The following N4BP3 variants were observed in gnomAD, a reference collection of about 807,000 sequenced individuals.
N4BP3 encodes the protein NEDD4 binding protein 3.
A neutral mutation model predicts 43.8 loss-of-function variants in N4BP3; 33 were observed. The observed-to-expected ratio is 0.75, with a 90% CI of 0.57 to 1.01. N4BP3 has a LOEUF of 1.01. Ranked by LOEUF, N4BP3 falls within the 50% of genes least tolerant of loss-of-function variation. The probability of loss-of-function intolerance (pLI) is 0.00; values close to 1 mark genes in which losing one functional copy is unlikely to be tolerated. For synonymous variants in N4BP3, 326 were observed against 321.9 expected, an observed-to-expected ratio of 1.01 and a Z score of -0.14; for missense variants, 756 against 744.2, an observed-to-expected ratio of 1.02 and a Z score of -0.18.
In N4BP3 at chr5:178,120,525, T is replaced by C; in HGVS notation, c.678T>C (p.Ser226=). The C allele has an allele frequency of 6.2e-7, 1 of 1,613,048 alleles. No homozygotes were observed. The highest frequency in any genetic ancestry group is 1.1e-5 in the South Asian group (1 of 91,082). ...NHLGGSLDRA[S]QGPKEAGPPA... is the part of the protein sequence containing the mutation. ...TCGGGGGCTCCCTGGACCGGGCCTC[T>C]CAAGGACCCAAGGAGGCTGGGCCAC... The change falls in exon 3 of 5, where the codon TCT becomes TCC. Residue 226 remains serine (S), a synonymous_variant. Coordinates refer to ENST00000274605, the MANE Select transcript of N4BP3 (RefSeq NM_015111.2).
Position 178,120,322 on chromosome 5 carries a change from AGCCCCGG to A in N4BP3, c.486_492del (p.Arg163AlafsTer13). The stretch of plus-strand genomic sequence containing the variant: ...CACGCTGGCCTGCCACCCGCCCCTG[AGCCCCGG>A]GCCCCGGGCCAGCCAGGCCCGGGCA... On this transcript the variant is annotated frameshift_variant, in exon 3 of 5. Transcript: ENST00000274605. LOFTEE classifies it high-confidence loss of function. 6.2e-7 allele frequency: 1 copy of A among 1,607,912 alleles called. No individual in the cohort carries two copies. The highest frequency in any genetic ancestry group is 8.5e-7 in the Non-Finnish European group (1 of 1,176,608).
chr5:178,126,414 G>C (rs550855976), downstream of N4BP3, among the ~76,000 whole-genome samples: 1 of 151,920 alleles, frequency 6.6e-6, no homozygotes, highest in Non-Finnish European at 1.5e-5. Context: ...TCCTAACCTC[G>C]TGATCCACCC....
Position 178,119,614 on chromosome 5 carries a change from G to T in N4BP3, c.31G>T (p.Ala11Ser). The T allele has an allele frequency of 6.4e-7, 1 of 1,564,476 alleles. No individual in the cohort carries two copies. The change falls in exon 2 of 5, where the codon GCC becomes TCC. Residue 11 changes from alanine (A) to serine (S), a missense_variant. Coordinates refer to ENST00000274605, the MANE Select transcript of N4BP3 (RefSeq NM_015111.2). ...CACAGCCCCAGGCCCTGCTGGCATT[G>T]CCATGGGCAGCGTGGGCAGCCTGTT... MATAPGPAGI[A>S]MGSVGSLLER...
Position 178,118,073 on chromosome 5 carries a change from A to G in N4BP3, c.-30-1481A>G, listed in dbSNP as rs1215284700. ...TGTTCGAGAATGGGAGCAGCTGCTC[A>G]GGGGTGGGAGGCAGAGAAGGTGGCA... On this transcript the variant is annotated intron_variant, in intron 1 of 4. Coordinates refer to ENST00000274605, the MANE Select transcript of N4BP3 (RefSeq NM_015111.2). This position sits in a 1 kb window ranked among gnomAD's most constrained non-coding sequence, Gnocchi z 5.4. 6.6e-6 allele frequency among the ~76,000 whole-genome samples: 1 copy of G among 152,198 alleles called. No individual in the cohort carries two copies. Among genetic ancestry groups the G allele is most frequent in the Non-Finnish European group, 1.5e-5 (1 of 68,026 alleles).
In N4BP3 at chr5:178,124,732, C is replaced by G. The variant is rs1758016615; in HGVS notation, c.*2731C>G. On this transcript the variant is annotated 3_prime_UTR_variant, in exon 5 of 5. Coordinates refer to ENST00000274605, the MANE Select transcript of N4BP3 (RefSeq NM_015111.2). Reference sequence around the variant, plus strand: ...CTGACACACTAGTGGCCTCGAGTCACTGATAGTGGTGCCTCCTCCTTACCT... The same window carrying G: ...CTGACACACTAGTGGCCTCGAGTCAGTGATAGTGGTGCCTCCTCCTTACCT... 6.5e-6 allele frequency: 1 copy of G among 152,732 alleles called. No homozygotes were observed. Among genetic ancestry groups the G allele is most frequent in the Non-Finnish European group, 1.5e-5 (1 of 68,442 alleles). The allele number at this position is 152,732 out of a possible 1,614,324, so 9.5% of individuals were successfully genotyped here. A position where few individuals can be genotyped will look rare whatever the true frequency, so the allele number is the denominator to read the frequency against.
At position 178,124,337 on chromosome 5, in the gene N4BP3, A is replaced by G. The variant is rs572228090; in HGVS notation, c.*2336A>G. On this transcript the variant is annotated 3_prime_UTR_variant, in exon 5 of 5. Transcript: ENST00000274605. ...GGGGAGGGCACGAGAGCTGAACCTG[A>G]GCCTGGGGCGTCTCGGAGCTGGATC... The G allele has an allele frequency of 6.5e-6, 1 of 152,746 alleles. No individual in the cohort carries two copies. Among genetic ancestry groups the G allele is most frequent in the African/African-American group, 2.4e-5 (1 of 41,550 alleles). The allele number at this position is 152,746 out of a possible 1,614,324, so 9.5% of individuals were successfully genotyped here.
Position 178,113,581 on chromosome 5 carries a change from C to T in N4BP3, c.-221C>T, listed in dbSNP as rs1218716834. On this transcript the variant is annotated 5_prime_UTR_variant, in exon 1 of 5. Transcript: ENST00000274605. ...GCGATCGAGCGCCGCGGAGCGCGTC[C>T]CTCCCTCGCCAATCCGGCTCCGGCG... 9.9e-5 allele frequency: 15 copies of T among 151,690 alleles called. No individual in the cohort carries two copies. The highest frequency in any genetic ancestry group is 2.9e-5 in the Non-Finnish European group (2 of 67,876). The allele number at this position is 151,690 out of a possible 1,614,324, so 9.4% of individuals were successfully genotyped here.
In N4BP3 at chr5:178,120,575, A is replaced by G; in HGVS notation, c.728A>G (p.Glu243Gly). 1 of 1,612,866 alleles carries G rather than the reference A, an allele frequency of 6.2e-7. No individual in the cohort carries two copies. Among genetic ancestry groups the G allele is most frequent in the Non-Finnish European group, 8.5e-7 (1 of 1,179,982 alleles). Residue 243 changes from glutamate (E) to glycine (G), a missense_variant, in exon 3 of 5, where the codon GAG becomes GGG. Transcript: ENST00000274605. ...CCAGCTGTGCTGAGCTGCCTGCCCG[A>G]GCCACCACCCCCCTACGAGTTCTCC... is the stretch of plus-strand genomic sequence containing the variant. ...GPPAVLSCLP[E>G]PPPPYEFSCS...
chr5:178,121,697 CTGA>C lies in N4BP3; in HGVS notation c.1335_1337del (p.Asp446del). 1.2e-6 allele frequency: 2 copies of C among 1,610,454 alleles called. No homozygotes were observed. The highest frequency in any genetic ancestry group is 2.2e-5 in the South Asian group (2 of 91,080). On this transcript the variant is annotated inframe_deletion, in exon 5 of 5. Coordinates refer to ENST00000274605, the MANE Select transcript of N4BP3 (RefSeq NM_015111.2). ...GAGGAAGCCCCAGGCAGCTGTGAGA[CTGA>C]TGACTGCAAGAGCAGGGGCCTGCTA...
chr5:178,123,437 C>T lies in N4BP3; in HGVS notation c.*1436C>T, dbSNP rs545682916. On this transcript the variant is annotated 3_prime_UTR_variant, in exon 5 of 5. Transcript: ENST00000274605. ...ACCAGTCTCTTCCCTGACAGGGCAG[C>T]TCAGGGAACTTCTGAGAAGTTATCT... 6.6e-6 allele frequency: 1 copy of T among 152,450 alleles called. No homozygotes were observed. Among genetic ancestry groups the T allele is most frequent in the South Asian group, 2.1e-4 (1 of 4,832 alleles). 9.4% of individuals were successfully genotyped at this position (152,450 alleles called of 1,614,324 possible). A position where few individuals can be genotyped will look rare whatever the true frequency, so the allele number is the denominator to read the frequency against.
In N4BP3 at chr5:178,120,188, G is replaced by A. The variant is rs1411925905; in HGVS notation, c.341G>A (p.Arg114His). 8 of 1,568,484 alleles carry A rather than the reference G, an allele frequency of 5.1e-6. No individual in the cohort carries two copies. The East Asian group carries it at 6.8e-5, about 13-fold the overall frequency. The change falls in exon 3 of 5, where the codon CGC (arginine) becomes CAC (histidine). Residue 114 changes from arginine (R) to histidine (H), a missense_variant. By Grantham distance (29) the Arg-to-His change is conservative. Transcript: ENST00000274605. ...CTCTCTTCCTGGCAGTGCCGCATTC[G>A]CCCCTCAGTGTTCAAGCCTACGGCG... ...ERGRFDKCRIRPSVFKPTAGN... is the reference protein window; with the variant it reads ...ERGRFDKCRIHPSVFKPTAGN...
chr5:178,126,881 G>A (rs935437451), downstream of N4BP3, among the ~76,000 whole-genome samples: 2 of 152,134 alleles, frequency 1.3e-5, no homozygotes, highest in African/African-American at 2.4e-5. Context: ...ACCTCCTAGC[G>A]TCTGCTGCCA....
Position 178,121,702 on chromosome 5 carries a change from G to T in N4BP3, c.1336G>T (p.Asp446Tyr). Residue 446 changes from aspartate to tyrosine, a missense_variant, in exon 5 of 5, where the codon GAC becomes TAC. Coordinates refer to ENST00000274605, the MANE Select transcript of N4BP3 (RefSeq NM_015111.2). ...EEAPGSCETD[D>Y]CKSRGLLGEA... is the part of the protein sequence containing the mutation. ...AGCCCCAGGCAGCTGTGAGACTGATGACTGCAAGAGCAGGGGCCTGCTAGG... is the reference window on the plus strand; with the variant it reads ...AGCCCCAGGCAGCTGTGAGACTGATTACTGCAAGAGCAGGGGCCTGCTAGG... 1 of 1,610,186 alleles carries T rather than the reference G, an allele frequency of 6.2e-7. No individual in the cohort carries two copies. Among genetic ancestry groups the T allele is most frequent in the South Asian group, 1.1e-5 (1 of 91,070 alleles).
chr5:178,126,065 A>C lies in N4BP3; in HGVS notation c.*4064A>C, dbSNP rs1297742576. ...TATTCTGTAGAAAATCTTACACAAT[A>C]AAGGACTTCAAAATAAGGGTAAGGA... On this transcript the variant is annotated 3_prime_UTR_variant, in exon 5 of 5. Coordinates refer to ENST00000274605, the MANE Select transcript of N4BP3 (RefSeq NM_015111.2). 2 of 152,202 alleles carry C rather than the reference A, an allele frequency of 1.3e-5. No individual in the cohort carries two copies. Among genetic ancestry groups the C allele is most frequent in the African/African-American group, 4.8e-5 (2 of 41,450 alleles). The allele number at this position is 152,202 out of a possible 1,614,324, so 9.4% of individuals were successfully genotyped here.
At chr5:178,117,973 C>T (rs529986562) in intron 1 of N4BP3, among the ~76,000 whole-genome samples, 7 of 152,230 alleles carry the variant, frequency 4.6e-5, no homozygotes, top group Non-Finnish European at 8.8e-5. Flanking sequence ...GACCATTGTT[C>T]GGGGGCAGGA....
intron 1 of N4BP3, among the ~76,000 whole-genome samples, chr5:178,114,714 C>CCA (rs1757731546): frequency 6.6e-6 from 1 of 152,204 alleles, no homozygotes; most frequent in Non-Finnish European, 1.5e-5. Context: ...TGTGCATGTG[C>CCA]CAGACTGTGA....
At chr5:178,116,995 T>C (rs1228961914) in intron 1 of N4BP3, among the ~76,000 whole-genome samples, 2 of 152,140 alleles carry the variant, frequency 1.3e-5, no homozygotes, top group East Asian at 3.9e-4. Flanking sequence ...TAAAAATAAA[T>C]AGAGATGGGG....
chr5:178,123,735 TTG>T lies in N4BP3; in HGVS notation c.*1735_*1736del, dbSNP rs1314902167. 2 of 152,794 alleles carry T rather than the reference TTG, an allele frequency of 1.3e-5. No individual in the cohort carries two copies. Among genetic ancestry groups the T allele is most frequent in the African/African-American group, 2.4e-5 (1 of 41,422 alleles). The allele number at this position is 152,794 out of a possible 1,614,324, so 9.5% of individuals were successfully genotyped here. On this transcript the variant is annotated 3_prime_UTR_variant, in exon 5 of 5. Coordinates refer to ENST00000274605, the MANE Select transcript of N4BP3 (RefSeq NM_015111.2). ...GGTGGGTGTGTCTGAGGGGGTGTGT[TTG>T]GGAGCCTGGCCTCCAAAAGCCAGTG...
At position 178,121,222 on chromosome 5, in the gene N4BP3, C is replaced by T. The variant is rs765915392; in HGVS notation, c.977C>T (p.Ala326Val). 2.5e-6 allele frequency: 4 copies of T among 1,603,368 alleles called. 1 individual carries two copies. The South Asian group carries it at 3.3e-5, about 13-fold the overall frequency. ...ERNLQLQLFM[A>V]QQEQRRLRKE... is the part of the protein sequence containing the mutation. ...AACCTCCAGCTGCAGCTGTTTATGG[C>T]TCAGCAGGAGCAGCGGCGCCTGCGC... is the stretch of plus-strand genomic sequence containing the variant. The change falls in exon 4 of 5, where the codon GCT (alanine) becomes GTT (valine). Residue 326 changes from alanine to valine, a missense_variant. Coordinates refer to ENST00000274605, the MANE Select transcript of N4BP3 (RefSeq NM_015111.2).
Sources: gnomAD v4.1 joint callset for allele counts (sites outside exome capture counted in the v4.1 genomes callset) on GRCh38, gnomAD v4.1.1 for gene constraint, Gnocchi (gnomAD v3.1) non-coding constraint, MANE v1.5 for transcripts, NCBI Gene and HGNC (gene_info 2026-07-23, HGNC 2026-07-21) for gene names.